The following TPRG1 variants were observed in gnomAD, a reference collection of about 807,000 sequenced individuals.
TPRG1 encodes tumor protein p63 regulated 1.
A neutral mutation model predicts 29.3 loss-of-function variants in TPRG1; 29 were observed. The ratio of observed to expected loss-of-function variants is 0.99; its 90% CI spans 0.74 to 1.35. The LOEUF (loss-of-function observed/expected upper bound fraction) is 1.35, where lower values mean the gene tolerates loss of function less well. TPRG1 is among the 40% of genes most tolerant of loss of function. The pLI is 0.00. For synonymous variants in TPRG1, 130 were observed against 116.8 expected, an observed-to-expected ratio of 1.11 and a Z score of -0.73; for missense variants, 327 against 335.0, an observed-to-expected ratio of 0.98 and a Z score of 0.19.
intron 4 of TPRG1, among the ~76,000 whole-genome samples, chr3:189,070,861 T>G (rs1419814919): frequency 1.3e-5 from 2 of 152,054 alleles, no homozygotes; most frequent in Non-Finnish European, 2.9e-5. Flanking sequence ...AATCTCTGTG[T>G]GACCATTGTT....
chr3:189,073,544 T>A lies in TPRG1; in HGVS notation c.-463+49598T>A, dbSNP rs539369224. On this transcript the variant is annotated intron_variant, in intron 4 of 10. Coordinates refer to the TPRG1 transcript ENST00000433971. The stretch of plus-strand genomic sequence containing the variant: ...GTGCTTAAATTTATCTAAAACACTC[T>A]TATGTTCATTTTTTTCTGTTTGTAC... 1.4e-4 allele frequency among the ~76,000 whole-genome samples: 21 copies of A among 152,350 alleles called. No individual in the cohort carries two copies. The South Asian group carries it at 4.4e-3, about 32-fold the overall frequency.
At chr3:189,092,257 C>T (rs1718384978) in intron 4 of TPRG1, among the ~76,000 whole-genome samples, 1 of 152,094 alleles carries the variant, frequency 6.6e-6, no homozygotes, top group Non-Finnish European at 1.5e-5. Context: ...TGTTAAAATG[C>T]AGATTCAGTT....
At chr3:189,130,799 G>A (rs1458355724) in intron 2 of TPRG1, among the ~76,000 whole-genome samples, 2 of 152,192 alleles carry the variant, frequency 1.3e-5, no homozygotes, top group Non-Finnish European at 2.9e-5. Flanking sequence ...ATATATTCCA[G>A]CTATAACAGG....
At chr3:189,113,992 G>T (rs545289700) in intron 1 of TPRG1, among the ~76,000 whole-genome samples, 27 of 152,090 alleles carry the variant, frequency 1.8e-4, no homozygotes, top group Admixed American at 5.9e-4. Flanking sequence ...GTGTAGAATT[G>T]GTATTATTTC....
intron 3 of TPRG1, among the ~76,000 whole-genome samples, chr3:189,227,858 A>G (rs1263747066): frequency 2.0e-5 from 3 of 152,230 alleles, no homozygotes; most frequent in African/African-American, 7.2e-5. Flanking sequence ...ACAGTGGCTC[A>G]TGCTTGTAAT....
intron 3 of TPRG1, among the ~76,000 whole-genome samples, chr3:189,022,079 C>G (rs1007673579): frequency 6.6e-6 from 1 of 152,006 alleles, no homozygotes; most frequent in Non-Finnish European, 1.5e-5. Flanking sequence ...GTTTTCAGCT[C>G]CATCAGCTCC....
chr3:189,056,085 C>CTTCT (rs1560417975), intron 4 of TPRG1, among the ~76,000 whole-genome samples: 60 of 132,998 alleles, frequency 4.5e-4, no homozygotes, highest in Non-Finnish European at 8.4e-4. Context: ...TCCTTCCTTC[C>CTTCT]TTCCTTCCTT....
intron 3 of TPRG1, among the ~76,000 whole-genome samples, chr3:189,221,955 T>C (rs1737002160): frequency 7.1e-6 from 1 of 140,722 alleles, no homozygotes; most frequent in Non-Finnish European, 1.5e-5. Context: ...TTACACTGCT[T>C]TTGCTGCCTT....
chr3:189,190,700 T>A (rs1731562846), intron 1 of TPRG1, among the ~76,000 whole-genome samples: 1 of 152,164 alleles, frequency 6.6e-6, no homozygotes, highest in Admixed American at 6.5e-5. Flanking sequence ...TTGTGTAGAG[T>A]AAGCAGGCCT....
chr3:189,128,897 G>A (rs1722791350), intron 2 of TPRG1, among the ~76,000 whole-genome samples: 1 of 152,182 alleles, frequency 6.6e-6, no homozygotes, highest in African/African-American at 2.4e-5. Context: ...AGCCTCCTGA[G>A]TAGCTGGGAT....
At chr3:189,163,431 A>G (rs999182493) in intron 5 of TPRG1, among the ~76,000 whole-genome samples, 4 of 152,222 alleles carry the variant, frequency 2.6e-5, no homozygotes, top group African/African-American at 9.6e-5. Flanking sequence ...TTATGATTCA[A>G]TACAGAACCG....
At chr3:189,253,369 TGTTA>T (rs1481976834) in intron 4 of TPRG1, among the ~76,000 whole-genome samples, 6 of 152,198 alleles carry the variant, frequency 3.9e-5, no homozygotes, top group Non-Finnish European at 4.4e-5. Flanking sequence ...TCTGTTCCTG[TGTTA>T]GTTTGCTGAG....
At chr3:189,047,545 A>T (rs185307894) in intron 4 of TPRG1, among the ~76,000 whole-genome samples, 7 of 152,274 alleles carry the variant, frequency 4.6e-5, no homozygotes, top group East Asian at 1.9e-4. Flanking sequence ...ACAGCAATAA[A>T]GTTTGCCACA....
intron 1 of TPRG1, among the ~76,000 whole-genome samples, chr3:189,199,913 A>C (rs1174496341): frequency 6.6e-6 from 1 of 152,156 alleles, no homozygotes; most frequent in African/African-American, 2.4e-5. Context: ...AACAAACAAA[A>C]AAACAATGAA....
At chr3:189,265,711 C>T (rs1046440330) in intron 4 of TPRG1, among the ~76,000 whole-genome samples, 2 of 152,202 alleles carry the variant, frequency 1.3e-5, no homozygotes, top group Non-Finnish European at 2.9e-5. Flanking sequence ...TCCATTCCTT[C>T]CTACTCCCCC....
At chr3:189,144,733 A>G (rs1269264220) in intron 3 of TPRG1, among the ~76,000 whole-genome samples, 1 of 152,258 alleles carries the variant, frequency 6.6e-6, no homozygotes, top group Admixed American at 6.5e-5. Flanking sequence ...CTAGAAGTTA[A>G]TAGGAGTTTA....
intron 1 of TPRG1, among the ~76,000 whole-genome samples, chr3:189,186,893 C>A (rs771634930): frequency 6.6e-6 from 1 of 151,826 alleles, no homozygotes; most frequent in African/African-American, 2.4e-5. Context: ...TCAGATTCCT[C>A]TAGCATAGAT....
intron 4 of TPRG1, among the ~76,000 whole-genome samples, chr3:189,255,752 G>A (rs1711740830): frequency 6.6e-6 from 1 of 152,162 alleles, no homozygotes; most frequent in Non-Finnish European, 1.5e-5. Flanking sequence ...TTAGTCTTGG[G>A]AGGGTGTATG....
At chr3:189,100,337 C>G (rs1329340989) in intron 1 of TPRG1, 1 of 152,230 alleles carries the variant, frequency 6.6e-6, no homozygotes, top group Non-Finnish European at 1.5e-5. Context: ...AAGGGTATAT[C>G]TGAGATGTAG....
Sources: allele counts gnomAD v4.1 joint callset (sites outside exome capture counted in the v4.1 genomes callset), GRCh38; gene constraint gnomAD v4.1.1; transcripts MANE v1.5; gene names NCBI Gene and HGNC (gene_info 2026-07-23, HGNC 2026-07-21).